NCKAP5: variants seen among roughly 807,000 people sequenced by gnomAD.
The protein encoded by NCKAP5 is nck-associated protein 5.
In NCKAP5, 92 loss-of-function variants were observed where a neutral mutation model predicts 167.0. That is an observed-to-expected ratio of 0.55 (90% CI 0.47 to 0.66). NCKAP5 has a LOEUF of 0.66. Ranked by LOEUF, NCKAP5 falls within the 30% of genes least tolerant of loss-of-function variation. NCKAP5 has a pLI of 0.00. For synonymous variants in NCKAP5, 891 were observed against 877.4 expected (o/e 1.02, Z -0.27); for missense variants, 2,378 against 2,315.0 (o/e 1.03, Z -0.56).
intron 16 of NCKAP5, among the ~76,000 whole-genome samples, chr2:132,762,905 G>A (rs1204787807): frequency 6.6e-6 from 1 of 152,168 alleles, no homozygotes; most frequent in Admixed American, 6.5e-5. Context: ...GCCAGTGGGT[G>A]GGAAATTCAG....
chr2:132,951,086 T>C (rs578255410), intron 8 of NCKAP5, among the ~76,000 whole-genome samples: 16 of 152,202 alleles, frequency 1.1e-4, no homozygotes, highest in Non-Finnish European at 2.4e-4. Context: ...AAATATGTCT[T>C]CTTTACTTTG....
At chr2:133,088,143 T>G (rs1353003754) in intron 6 of NCKAP5, among the ~76,000 whole-genome samples, 1 of 152,214 alleles carries the variant, frequency 6.6e-6, no homozygotes, top group East Asian at 1.9e-4. Flanking sequence ...GTTCAAAGAT[T>G]AACTGTAGAA....
At position 132,920,718 on chromosome 2, in the gene NCKAP5, T is replaced by C. The variant is rs754168172; in HGVS notation, c.580-41802A>G. On this transcript the variant is annotated intron_variant, in intron 8 of 19. Coordinates refer to ENST00000409261, the MANE Select transcript of NCKAP5 (RefSeq NM_207363.3). ...ATATATATACGTATATGTATATATA[T>C]GTATATATATATATGTATATATATG... Among the ~76,000 whole-genome samples the C allele has an allele frequency of 8.4e-3, 790 of 93,964 alleles. 41 individuals carry two copies. The highest frequency in any genetic ancestry group is 0.036 in the African/African-American group (694 of 19,258). 61.6% of individuals were successfully genotyped at this position (93,964 alleles called of 152,430 possible). A position where few individuals can be genotyped will look rare whatever the true frequency, so the allele number is the denominator to read the frequency against.
chr2:133,219,109 T>A (rs1296726237), intron 4 of NCKAP5, among the ~76,000 whole-genome samples: 1 of 152,186 alleles, frequency 6.6e-6, no homozygotes, highest in Non-Finnish European at 1.5e-5. Flanking sequence ...ACATAAAAAC[T>A]AGAAACACCG....
chr2:132,984,875 T>C (rs2320399), intron 7 of NCKAP5, among the ~76,000 whole-genome samples: 1 of 149,000 alleles, frequency 6.7e-6, no homozygotes, highest in East Asian at 1.9e-4. Context: ...ATTTGTTTCT[T>C]AGACCAGGAA....
chr2:133,618,275 A>G, the NCKAP5 span, among the ~76,000 whole-genome samples: 1 of 150,636 alleles, frequency 6.6e-6, no homozygotes, highest in African/African-American at 2.4e-5. Context: ...CACCAAAAGC[A>G]ATGGCAACAA....
At chr2:133,447,632 C>T (rs1406452047) in intron 3 of NCKAP5, among the ~76,000 whole-genome samples, 2 of 150,690 alleles carry the variant, frequency 1.3e-5, no homozygotes, top group African/African-American at 4.9e-5. Context: ...TTCCCCTTCC[C>T]CTTCCCCCTT....
chr2:133,572,910 G>A (rs1688917905), upstream of NCKAP5, among the ~76,000 whole-genome samples: 1 of 152,182 alleles, frequency 6.6e-6, no homozygotes, highest in African/African-American at 2.4e-5. Flanking sequence ...GTTATAACAA[G>A]AGAAGCAAAC....
chr2:133,377,709 T>G (rs1686244109), intron 3 of NCKAP5, among the ~76,000 whole-genome samples: 1 of 152,184 alleles, frequency 6.6e-6, no homozygotes, highest in Non-Finnish European at 1.5e-5. Context: ...TGCAAAGCAG[T>G]GTGACATTTA....
chr2:133,351,199 CA>C (rs1684336114), intron 3 of NCKAP5, among the ~76,000 whole-genome samples: 1 of 150,804 alleles, frequency 6.6e-6, no homozygotes, highest in Non-Finnish European at 1.5e-5. Flanking sequence ...ACAACAAAAG[CA>C]AATTGGTTAA....
intron 3 of NCKAP5, among the ~76,000 whole-genome samples, chr2:133,464,415 G>C: frequency 7.1e-6 from 1 of 140,154 alleles, no homozygotes; most frequent in South Asian, 2.4e-4. Context: ...AATGGGCTGG[G>C]AGTGGTGGCT....
chr2:132,998,861 T>C (rs894896096), intron 6 of NCKAP5, among the ~76,000 whole-genome samples: 1 of 152,212 alleles, frequency 6.6e-6, no homozygotes, highest in Admixed American at 6.5e-5. Context: ...TTGTGTGTTT[T>C]GTTTGTTTGT....
At chr2:133,012,241 A>G (rs1434956156) in intron 6 of NCKAP5, among the ~76,000 whole-genome samples, 2 of 151,938 alleles carry the variant, frequency 1.3e-5, no homozygotes, top group East Asian at 3.9e-4. Context: ...CACTATACTT[A>G]CAGTGGTTTA....
intron 8 of NCKAP5, among the ~76,000 whole-genome samples, chr2:132,910,447 C>T (rs929766899): frequency 2.0e-5 from 3 of 152,088 alleles, no homozygotes; most frequent in Admixed American, 2.0e-4. Context: ...AGTAACCATC[C>T]TTCTACTCTC....
intron 6 of NCKAP5, among the ~76,000 whole-genome samples, chr2:133,048,840 T>A (rs2079500170): frequency 6.6e-6 from 1 of 152,180 alleles, no homozygotes; most frequent in Admixed American, 6.5e-5. Flanking sequence ...GCTTGCAGAT[T>A]TGGTCCCAAC....
At chr2:133,361,836 G>T (rs1559416624) in intron 3 of NCKAP5, among the ~76,000 whole-genome samples, 1 of 152,086 alleles carries the variant, frequency 6.6e-6, no homozygotes, top group Non-Finnish European at 1.5e-5. Flanking sequence ...TAGCAAAATA[G>T]CACCATCTGT....
the NCKAP5 span, among the ~76,000 whole-genome samples, chr2:133,671,146 C>T: frequency 3.7e-4 from 48 of 130,302 alleles, no homozygotes; most frequent in Admixed American, 1.2e-3. Flanking sequence ...ACCCAGGAGG[C>T]GGAGTTTGCA....
intron 11 of NCKAP5, among the ~76,000 whole-genome samples, chr2:132,824,933 A>G (rs532787632): frequency 1.4e-4 from 22 of 152,222 alleles, no homozygotes; most frequent in Non-Finnish European, 3.1e-4. Flanking sequence ...TGGAGATTTT[A>G]TGGTTGTTTG....
In NCKAP5 at chr2:132,884,658, T is replaced by C. The variant is rs141904917; in HGVS notation, c.580-5742A>G. 3.0e-4 allele frequency among the ~76,000 whole-genome samples: 46 copies of C among 152,332 alleles called. No individual in the cohort carries two copies. The East Asian group carries it at 8.9e-3, about 29-fold the overall frequency. On this transcript the variant is annotated intron_variant, in intron 8 of 19. Transcript: ENST00000409261. ...CCAATTCTACAAAGTCATGATTTCT[T>C]TGGAGAAATTTACCTTTTGTGGAGT...
Sources: allele counts gnomAD v4.1 joint callset (sites outside exome capture counted in the v4.1 genomes callset), GRCh38; gene constraint gnomAD v4.1.1; transcripts MANE v1.5; gene names NCBI Gene and HGNC (gene_info 2026-07-23, HGNC 2026-07-21).